The following SLC2A11 variants were observed in gnomAD, a reference collection of about 807,000 sequenced individuals.
SLC2A11 encodes the protein solute carrier family 2, facilitated glucose transporter member 11.
A neutral mutation model predicts 52.1 loss-of-function variants in SLC2A11; 43 were observed. The ratio of observed to expected loss-of-function variants is 0.82; its 90% CI spans 0.65 to 1.06. The LOEUF (loss-of-function observed/expected upper bound fraction) is 1.06. Ranked by LOEUF, SLC2A11 falls within the 50% of genes least tolerant of loss-of-function variation. The pLI is 0.00. For missense variants in SLC2A11, 582 were observed against 654.2 expected, an observed-to-expected ratio of 0.89 and a Z score of 1.20; for synonymous variants, 261 against 277.6, an observed-to-expected ratio of 0.94 and a Z score of 0.59.
intron 4 of SLC2A11, 28 bp downstream of exon 4, chr22:23,875,269 C>T (rs777831173): frequency 5.0e-5 from 68 of 1,365,626 alleles, no homozygotes; most frequent in Non-Finnish European, 6.5e-5. Context: ...CTCATCCTGC[C>T]TCTCTATGCC....
chr22:23,874,342 A>G (rs979654751), intron 3 of SLC2A11, among the ~76,000 whole-genome samples: 1 of 152,152 alleles, frequency 6.6e-6, no homozygotes, highest in Non-Finnish European at 1.5e-5. Context: ...GCTGGAGTGC[A>G]GTGGCGTGAT....
In SLC2A11 at chr22:23,882,476, G is replaced by T; in HGVS notation, c.712G>T (p.Gly238Cys). 6.5e-7 allele frequency: 1 copy of T among 1,550,368 alleles called. No individual in the cohort carries two copies. Residue 238 changes from glycine to cysteine, a missense_variant, in exon 7 of 12, where the codon GGC becomes TGC. Gly to Cys is a radical substitution (Grantham distance 159). Coordinates refer to ENST00000316185, the MANE Select transcript of SLC2A11 (RefSeq NM_001024939.4). ...TGGCTCAGCACTACGGCGGCTCCGG[G>T]GCTCCGGGGACTTGGCAGGGGAGCT... ...ACLAALRRLR[G>C]SGDLAGELEE...
intron 2 of SLC2A11, among the ~76,000 whole-genome samples, chr22:23,863,465 C>T (rs2032145411): frequency 6.6e-6 from 1 of 152,140 alleles, no homozygotes; most frequent in Admixed American, 6.5e-5. Context: ...CTCTAACTTG[C>T]TTAAGTAAGA....
chr22:23,876,738 C>T (rs186843592), intron 4 of SLC2A11, among the ~76,000 whole-genome samples: 14 of 152,222 alleles, frequency 9.2e-5, no homozygotes, highest in South Asian at 8.3e-4. Context: ...CCTTCACACT[C>T]GGGTCCCAGT....
chr22:23,863,496 T>A (rs1051772817), intron 2 of SLC2A11, among the ~76,000 whole-genome samples: 2 of 151,782 alleles, frequency 1.3e-5, no homozygotes, highest in African/African-American at 4.8e-5. Flanking sequence ...CCTAATCATG[T>A]AACTGGGAAT....
chr22:23,863,369 C>T (rs2032141184), intron 2 of SLC2A11, among the ~76,000 whole-genome samples: 1 of 152,162 alleles, frequency 6.6e-6, no homozygotes, highest in Non-Finnish European at 1.5e-5. Context: ...GAATCTCTGG[C>T]CCTTGATGGT....
chr22:23,859,985 G>C (rs964295744), intron 1 of SLC2A11, among the ~76,000 whole-genome samples: 1 of 152,154 alleles, frequency 6.6e-6, no homozygotes, highest in Non-Finnish European at 1.5e-5. Context: ...TTCAATTTTT[G>C]TAAAGTCAAC....
chr22:23,857,925 G>T lies in SLC2A11; in HGVS notation c.-75G>T, dbSNP rs1283201530. 1.4e-5 allele frequency: 23 copies of T among 1,588,852 alleles called. No individual in the cohort carries two copies. Among genetic ancestry groups the T allele is most frequent in the Non-Finnish European group, 1.5e-5 (18 of 1,168,830 alleles). ...CTGCCCTTCCCTCCGCGCACAGGCT[G>T]CCGGCTCACCGCTTGCTAATGGCAG... On this transcript the variant is annotated 5_prime_UTR_variant, in exon 1 of 12. Coordinates refer to ENST00000316185, the MANE Select transcript of SLC2A11 (RefSeq NM_001024939.4).
At chr22:23,857,284 G>C, upstream of SLC2A11, 5 of 825,058 alleles carry the variant, frequency 6.1e-6, no homozygotes, top group Non-Finnish European at 9.8e-6. Flanking sequence ...CAAAGGAGGG[G>C]GACGAGGGGC....
In SLC2A11 at chr22:23,885,693, G is replaced by A. The variant is rs2146152135; in HGVS notation, c.*844G>A. ...TGCACTCCAGCCTGGACAACAGAAAGAGACCATGTTTCAAAAAAAATAAAT... is the reference window on the plus strand; with the variant it reads ...TGCACTCCAGCCTGGACAACAGAAAAAGACCATGTTTCAAAAAAAATAAAT... On this transcript the variant is annotated 3_prime_UTR_variant, in exon 12 of 12. Coordinates refer to ENST00000316185, the MANE Select transcript of SLC2A11 (RefSeq NM_001024939.4). 1 of 152,112 alleles carries A rather than the reference G, an allele frequency of 6.6e-6. No homozygotes were observed. Among genetic ancestry groups the A allele is most frequent in the African/African-American group, 2.4e-5 (1 of 41,480 alleles). 9.4% of individuals were successfully genotyped at this position (152,112 alleles called of 1,614,324 possible).
At chr22:23,860,895 G>T (rs1286504661) in intron 1 of SLC2A11, among the ~76,000 whole-genome samples, 1 of 149,334 alleles carries the variant, frequency 6.7e-6, no homozygotes, top group East Asian at 2.0e-4. Context: ...GCCCAGGCTG[G>T]AGTGCAGTGG....
At chr22:23,860,732 C>CTCTT (rs536755064) in intron 1 of SLC2A11, among the ~76,000 whole-genome samples, 1 of 137,102 alleles carries the variant, frequency 7.3e-6, no homozygotes, top group Non-Finnish European at 1.6e-5. Flanking sequence ...AACTCCGTCT[C>CTCTT]TTTTTTTTTT....
Position 23,862,133 on chromosome 22 carries a change from C to T in SLC2A11, c.60C>T (p.Ile20=). ...MIQGRILLLT[I]CAAGIGGTFQ... is the part of the protein sequence containing the mutation. ...AGGGCAGGATCCTGCTCCTGACCAT[C>T]TGCGCTGCCGGCATTGGTGGGACTT... Residue 20 remains isoleucine, a synonymous_variant, in exon 2 of 12, where the codon ATC becomes ATT. Coordinates refer to ENST00000316185, the MANE Select transcript of SLC2A11 (RefSeq NM_001024939.4). 1 of 1,614,214 alleles carries T rather than the reference C, an allele frequency of 6.2e-7. No individual in the cohort carries two copies. Among genetic ancestry groups the T allele is most frequent in the Non-Finnish European group, 8.5e-7 (1 of 1,180,032 alleles).
chr22:23,879,154 T>A (rs2032720980), intron 6 of SLC2A11, among the ~76,000 whole-genome samples: 1 of 152,226 alleles, frequency 6.6e-6, no homozygotes, highest in African/African-American at 2.4e-5. Context: ...TTATTTTTTT[T>A]ATCTTTTAGA....
intron 1 of SLC2A11, among the ~76,000 whole-genome samples, chr22:23,860,727 C>CAT (rs1171690244): frequency 5.8e-5 from 3 of 51,294 alleles, no homozygotes; most frequent in African/African-American, 1.9e-4. Flanking sequence ...AGCAAAACTC[C>CAT]GTCTCTTTTT....
chr22:23,863,708 G>A (rs961971231), intron 2 of SLC2A11, among the ~76,000 whole-genome samples: 20 of 133,276 alleles, frequency 1.5e-4, no homozygotes, highest in Admixed American at 1.7e-4. Flanking sequence ...CCTCCGCCCC[G>A]TCCCGAGCTC....
At chr22:23,882,427 CG>C in intron 6 of SLC2A11, 31 bp from the exon 7 acceptor site, 1 of 1,483,628 alleles carries the variant, frequency 6.7e-7, no homozygotes. Context: ...GGCTTGGGGA[CG>C]GGGAGCTCAG....
At chr22:23,873,848 A>G (rs2032535392) in intron 3 of SLC2A11, among the ~76,000 whole-genome samples, 1 of 152,134 alleles carries the variant, frequency 6.6e-6, no homozygotes, top group Non-Finnish European at 1.5e-5. Flanking sequence ...ATCTACTGTC[A>G]TTTTTCATTC....
At chr22:23,857,592 C>A, upstream of SLC2A11, 1 of 1,144,302 alleles carries the variant, frequency 8.7e-7, no homozygotes. Flanking sequence ...CCCCCCGCGG[C>A]GGCGACTCCC....
Sources: allele counts gnomAD v4.1 joint callset (sites outside exome capture counted in the v4.1 genomes callset), GRCh38; gene constraint gnomAD v4.1.1; transcripts MANE v1.5; gene names NCBI Gene and HGNC (gene_info 2026-07-23, HGNC 2026-07-21).